The following INSYN2B variants were observed in gnomAD, a reference collection of about 807,000 sequenced individuals.
INSYN2B encodes the protein protein INSYN2B.
In INSYN2B, 16 loss-of-function variants were observed where a neutral mutation model predicts 41.2. The ratio of observed to expected loss-of-function variants is 0.39; its 90% CI spans 0.26 to 0.59. The LOEUF is 0.59. INSYN2B is among the 20% of genes least tolerant of loss of function. The probability of loss-of-function intolerance (pLI) is 0.57; values close to 1 mark genes in which losing one functional copy is unlikely to be tolerated. For missense variants in INSYN2B, 608 were observed against 646.4 expected (o/e 0.94, Z 0.64); for synonymous variants, 245 against 244.4 (o/e 1.00, Z -0.02).
chr5:169,901,754 A>G (rs995142569), intron 1 of INSYN2B, among the ~76,000 whole-genome samples: 2 of 152,232 alleles, frequency 1.3e-5, no homozygotes, highest in Non-Finnish European at 2.9e-5. Context: ...ATTTTGAGAC[A>G]CCTAGAATGA....
intron 1 of INSYN2B, among the ~76,000 whole-genome samples, chr5:169,908,642 G>A (rs1285047890): frequency 6.6e-6 from 1 of 151,742 alleles, no homozygotes; most frequent in African/African-American, 2.4e-5. Context: ...CAAAACTAAG[G>A]ATACAGTGAA....
At chr5:169,967,038 AG>A (rs1449213586) in intron 1 of INSYN2B, among the ~76,000 whole-genome samples, 1 of 152,258 alleles carries the variant, frequency 6.6e-6, no homozygotes, top group African/African-American at 2.4e-5. Context: ...TTAATGGTGA[AG>A]TACCTCCTAT....
chr5:169,952,751 C>CCAAGCTT (rs1253570881), intron 1 of INSYN2B, among the ~76,000 whole-genome samples: 4 of 152,110 alleles, frequency 2.6e-5, no homozygotes, highest in Non-Finnish European at 5.9e-5. Flanking sequence ...TGTCATTGTT[C>CCAAGCTT]CAAGCTTCGT....
intron 1 of INSYN2B, among the ~76,000 whole-genome samples, chr5:169,909,407 A>C (rs1048257635): frequency 6.6e-6 from 1 of 152,188 alleles, no homozygotes; most frequent in Admixed American, 6.5e-5. Context: ...GAAAGATGCT[A>C]TCCAATTTGC....
intron 3 of INSYN2B, among the ~76,000 whole-genome samples, chr5:169,872,247 C>T (rs1772024681): frequency 6.6e-6 from 1 of 152,186 alleles, no homozygotes; most frequent in African/African-American, 2.4e-5. Context: ...AAAGAATTAG[C>T]TGTAAGAATC....
At chr5:169,972,855 C>A (rs185603541) in intron 1 of INSYN2B, among the ~76,000 whole-genome samples, 2 of 152,078 alleles carry the variant, frequency 1.3e-5, no homozygotes, top group African/African-American at 2.4e-5. Context: ...TTAAGCACTG[C>A]GGAATTGAGC....
At chr5:169,930,332 A>G (rs1402145081) in intron 1 of INSYN2B, among the ~76,000 whole-genome samples, 1 of 152,214 alleles carries the variant, frequency 6.6e-6, no homozygotes, top group African/African-American at 2.4e-5. Flanking sequence ...TGGTTAAAGC[A>G]GGACTTCAGA....
chr5:169,922,598 C>T (rs1368955464), intron 1 of INSYN2B, among the ~76,000 whole-genome samples: 2 of 152,156 alleles, frequency 1.3e-5, no homozygotes, highest in Middle Eastern at 3.2e-3. Flanking sequence ...AGAATATCAC[C>T]TACATTATCT....
intron 1 of INSYN2B, among the ~76,000 whole-genome samples, chr5:169,932,658 C>T (rs1388084398): frequency 6.6e-6 from 1 of 152,008 alleles, no homozygotes; most frequent in Non-Finnish European, 1.5e-5. Context: ...CTTATAAACA[C>T]ATGTAAGGAG....
intron 3 of INSYN2B, among the ~76,000 whole-genome samples, chr5:169,866,675 A>G (rs1771582447): frequency 6.6e-6 from 1 of 152,206 alleles, no homozygotes; most frequent in Admixed American, 6.5e-5. Flanking sequence ...GAGACCTTCT[A>G]GCCAAAGCCC....
intron 1 of INSYN2B, among the ~76,000 whole-genome samples, chr5:169,931,847 C>G (rs577327141): frequency 1.3e-5 from 2 of 152,342 alleles, no homozygotes; most frequent in South Asian, 4.1e-4. Context: ...TCATAGCCTT[C>G]TGAACTGCTT....
intron 1 of INSYN2B, among the ~76,000 whole-genome samples, chr5:169,973,936 T>C (rs1777617132): frequency 6.6e-6 from 1 of 152,224 alleles, no homozygotes. Flanking sequence ...CTCTTCTATA[T>C]AGGCACAAGA....
At chr5:169,975,232 A>G (rs1213006112) in intron 1 of INSYN2B, among the ~76,000 whole-genome samples, 1 of 151,840 alleles carries the variant, frequency 6.6e-6, no homozygotes. Context: ...CTTTTCACAA[A>G]CTCCTGACCC....
At chr5:169,881,489 G>A (rs771859783) in intron 2 of INSYN2B, 47 bp from the exon 3 acceptor site, 252 of 1,454,358 alleles carry the variant, frequency 1.7e-4, no homozygotes, top group Admixed American at 2.6e-4. Flanking sequence ...CAAAAGTCAC[G>A]TGGGCCACAA....
intron 1 of INSYN2B, among the ~76,000 whole-genome samples, chr5:169,940,851 G>C (rs974425305): frequency 9.2e-5 from 14 of 152,336 alleles, no homozygotes; most frequent in Admixed American, 5.9e-4. Context: ...ACTGGTACCA[G>C]TTCATGGTCC....
At chr5:169,896,224 C>T (rs1773598181) in intron 1 of INSYN2B, among the ~76,000 whole-genome samples, 1 of 152,152 alleles carries the variant, frequency 6.6e-6, no homozygotes, top group Non-Finnish European at 1.5e-5. Context: ...TTAAAGCTCA[C>T]ATCAACATTC....
intron 3 of INSYN2B, among the ~76,000 whole-genome samples, chr5:169,864,742 C>G (rs1283933450): frequency 2.0e-5 from 3 of 152,172 alleles, no homozygotes; most frequent in Non-Finnish European, 4.4e-5. Flanking sequence ...GCTCCAGTCT[C>G]TCTCTTAATC....
chr5:169,941,265 A>G (rs1255733400), intron 1 of INSYN2B, among the ~76,000 whole-genome samples: 1 of 152,094 alleles, frequency 6.6e-6, no homozygotes, highest in Non-Finnish European at 1.5e-5. Flanking sequence ...CTGGAATGCA[A>G]TGGATAATCT....
Position 169,944,888 on chromosome 5 carries a change from A to G in INSYN2B, c.-919+35389T>C, listed in dbSNP as rs184354175. On this transcript the variant is annotated intron_variant, in intron 1 of 3. Coordinates refer to ENST00000377365, the MANE Select transcript of INSYN2B (RefSeq NM_001129891.3). Reference sequence around the variant, plus strand: ...TTGCTCAGAATGCTTCATTTTCCAGACATCTTGTTTCCTTGCCCTGTCTCT... The same window carrying G: ...TTGCTCAGAATGCTTCATTTTCCAGGCATCTTGTTTCCTTGCCCTGTCTCT... 5.3e-5 allele frequency among the ~76,000 whole-genome samples: 8 copies of G among 152,228 alleles called. No individual in the cohort carries two copies. In the East Asian group the frequency reaches 1.5e-3, roughly 29 times the overall value.
Sources: allele counts gnomAD v4.1 joint callset (sites outside exome capture counted in the v4.1 genomes callset), GRCh38; gene constraint gnomAD v4.1.1; transcripts MANE v1.5; gene names NCBI Gene and HGNC (gene_info 2026-07-23, HGNC 2026-07-21).